ANKRD45: variants seen among roughly 807,000 people sequenced by gnomAD.
ANKRD45 encodes the protein ankyrin repeat domain-containing protein 45.
Under a neutral mutation model 28.1 loss-of-function variants are expected in ANKRD45, and 21 were observed. The ratio of observed to expected loss-of-function variants is 0.75; its 90% CI spans 0.53 to 1.08. The LOEUF (loss-of-function observed/expected upper bound fraction) is 1.08, where lower values mean the gene tolerates loss of function less well. ANKRD45 is among the 50% of genes least tolerant of loss of function. ANKRD45 has a pLI of 0.00. For missense variants in ANKRD45, 261 were observed against 308.7 expected (o/e 0.85, Z 1.16); for synonymous variants, 86 against 103.9 (o/e 0.83, Z 1.05).
chr1:173,701,928 G>A, the ANKRD45 span, among the ~76,000 whole-genome samples: 1 of 152,076 alleles, frequency 6.6e-6, no homozygotes, highest in Non-Finnish European at 1.5e-5. Flanking sequence ...ATATAAGATA[G>A]AGTGAAAATT....
At chr1:173,635,581 G>C in intron 3 of ANKRD45, 1 of 1,535,334 alleles carries the variant, frequency 6.5e-7, no homozygotes, top group Non-Finnish European at 8.7e-7. Flanking sequence ...TCTTCGGGGA[G>C]AGTTTCTGCA....
the ANKRD45 span, among the ~76,000 whole-genome samples, chr1:173,692,107 T>C: frequency 3.3e-5 from 5 of 151,832 alleles, no homozygotes; most frequent in East Asian, 9.7e-4. Context: ...TAGGGTGGAG[T>C]AGGTAGTCGA....
intron 3 of ANKRD45, among the ~76,000 whole-genome samples, chr1:173,631,811 A>G (rs1266068426): frequency 6.6e-6 from 1 of 152,076 alleles, no homozygotes; most frequent in Non-Finnish European, 1.5e-5. Flanking sequence ...TAGAAACACA[A>G]TATACCAAAA....
In ANKRD45 at chr1:173,608,525, G is replaced by T. The variant is rs1276745257; in HGVS notation, c.*1620C>A. The stretch of plus-strand genomic sequence containing the variant: ...GTAGAGACAGGGTTTCACCATGTTG[G>T]CCAGGCTTGTCTCAAACCGCTGACC... On this transcript the variant is annotated 3_prime_UTR_variant, in exon 6 of 6. Transcript: ENST00000333279. Among the ~76,000 whole-genome samples, 1 of 151,820 alleles carries T rather than the reference G, an allele frequency of 6.6e-6. No homozygotes were observed. The highest frequency in any genetic ancestry group is 1.5e-5 in the Non-Finnish European group (1 of 67,986).
chr1:173,666,026 A>G (rs1670002594), intron 1 of ANKRD45, among the ~76,000 whole-genome samples: 2 of 152,156 alleles, frequency 1.3e-5, no homozygotes. Context: ...AAAAACAACA[A>G]CAAAAAAACC....
upstream of ANKRD45, among the ~76,000 whole-genome samples, chr1:173,674,775 T>C (rs2102410961): frequency 6.6e-6 from 1 of 152,358 alleles, no homozygotes; most frequent in South Asian, 2.1e-4. Context: ...GAGGCAGATT[T>C]GCCCTAAGCA....
chr1:173,630,633 A>T (rs990349656), intron 3 of ANKRD45, among the ~76,000 whole-genome samples: 1 of 146,750 alleles, frequency 6.8e-6, no homozygotes, highest in East Asian at 1.9e-4. Flanking sequence ...CGATCACTTG[A>T]GGTCAGGAGT....
chr1:173,631,734 AAC>A (rs1345396297), intron 3 of ANKRD45, among the ~76,000 whole-genome samples: 1 of 152,196 alleles, frequency 6.6e-6, no homozygotes, highest in Non-Finnish European at 1.5e-5. Flanking sequence ...CTTCTGAATG[AAC>A]AGTGTGTCAA....
At chr1:173,633,170 C>T (rs1052688662) in intron 3 of ANKRD45, among the ~76,000 whole-genome samples, 3 of 150,774 alleles carry the variant, frequency 2.0e-5, no homozygotes, top group Non-Finnish European at 4.4e-5. Flanking sequence ...AATCAACATG[C>T]AAAAATCAGT....
At chr1:173,664,998 T>C (rs908732977) in intron 1 of ANKRD45, among the ~76,000 whole-genome samples, 18 of 152,162 alleles carry the variant, frequency 1.2e-4, no homozygotes, top group Non-Finnish European at 7.3e-5. Flanking sequence ...TCTATGATTG[T>C]TCTAAGAATT....
intron 3 of ANKRD45, chr1:173,635,369 T>C: frequency 1.6e-6 from 1 of 627,638 alleles, no homozygotes; most frequent in Non-Finnish European, 2.7e-6. Context: ...TTATATGAAG[T>C]GCTTTTATTG....
At chr1:173,688,050 G>A in the ANKRD45 span, among the ~76,000 whole-genome samples, 1 of 147,574 alleles carries the variant, frequency 6.8e-6, no homozygotes, top group Non-Finnish European at 1.5e-5. Flanking sequence ...AGCAGTTGTC[G>A]CTACAGATTG....
chr1:173,626,886 T>A (rs1056720343), intron 4 of ANKRD45, among the ~76,000 whole-genome samples, 179 bp downstream of exon 4: 3 of 152,088 alleles, frequency 2.0e-5, no homozygotes, highest in African/African-American at 7.2e-5. Context: ...TTGATCAGAC[T>A]ATCCTCTATT....
the ANKRD45 span, among the ~76,000 whole-genome samples, chr1:173,707,364 G>A: frequency 2.7e-5 from 4 of 150,012 alleles, no homozygotes; most frequent in Non-Finnish European, 4.4e-5. Context: ...ACAAAGCCTT[G>A]CTCTATCACC....
intron 2 of ANKRD45, among the ~76,000 whole-genome samples, chr1:173,656,609 A>G (rs985032539): frequency 6.6e-6 from 1 of 152,184 alleles, no homozygotes; most frequent in African/African-American, 2.4e-5. Context: ...AGCTATCAAC[A>G]TGACGTCAAC....
chr1:173,613,667 GGCC>G (rs1226334968), intron 5 of ANKRD45, among the ~76,000 whole-genome samples: 1 of 142,846 alleles, frequency 7.0e-6, no homozygotes, highest in Non-Finnish European at 1.5e-5. Flanking sequence ...GCCCCCGCCT[GGCC>G]GCCGCCCCGT....
chr1:173,704,806 G>A, the ANKRD45 span, among the ~76,000 whole-genome samples: 1 of 152,184 alleles, frequency 6.6e-6, no homozygotes, highest in Admixed American at 6.5e-5. Context: ...ATTCTGAGAT[G>A]GAGTTTAGTA....
At chr1:173,662,328 T>C (rs1365785798) in intron 1 of ANKRD45, among the ~76,000 whole-genome samples, 2 of 152,210 alleles carry the variant, frequency 1.3e-5, no homozygotes, top group African/African-American at 4.8e-5. Context: ...CATTGTGATA[T>C]GCATTTTAAA....
upstream of ANKRD45, among the ~76,000 whole-genome samples, chr1:173,673,664 A>G (rs1188383161): frequency 6.7e-6 from 1 of 150,220 alleles, no homozygotes; most frequent in Non-Finnish European, 1.5e-5. Context: ...CAGAAGGTTG[A>G]GTCACCTACC....
Sources: allele counts gnomAD v4.1 joint callset (sites outside exome capture counted in the v4.1 genomes callset), GRCh38; gene constraint gnomAD v4.1.1; transcripts MANE v1.5; gene names NCBI Gene and HGNC (gene_info 2026-07-23, HGNC 2026-07-21).